Variants in CSMD2 observed in about 807,000 individuals in gnomAD.
The protein encoded by CSMD2 is CUB and sushi domain-containing protein 2.
Under a neutral mutation model 398.5 loss-of-function variants are expected in CSMD2, and 130 were observed. That is an observed-to-expected ratio of 0.33 (90% confidence interval 0.28 to 0.38). The LOEUF (loss-of-function observed/expected upper bound fraction) is 0.38, where lower values mean the gene tolerates loss of function less well. Ranked by LOEUF, CSMD2 falls within the 10% of genes least tolerant of loss-of-function variation. The pLI, the probability that CSMD2 is intolerant of heterozygous loss-of-function variation, is 1.00. For synonymous variants in CSMD2, 1,828 were observed against 1,908.5 expected (o/e 0.96, Z 1.10); for missense variants, 3,829 against 4,764.9 (o/e 0.80, Z 5.78).
intron 29 of CSMD2, among the ~76,000 whole-genome samples, chr1:33,644,365 C>T (rs1643295677): frequency 6.6e-6 from 1 of 152,064 alleles, no homozygotes; most frequent in South Asian, 2.1e-4. Flanking sequence ...CTTACTGTAT[C>T]CAGGGAAGCT....
intron 3 of CSMD2, among the ~76,000 whole-genome samples, chr1:34,019,695 G>T (rs4653374): frequency 0.22 from 34,130 of 151,846 alleles, 4,510 homozygotes; most frequent in East Asian, 0.57. Flanking sequence ...TAAATCTCAC[G>T]GAGCCACTTC....
rs528936780 is a variant in CSMD2 at position 33,655,590 on chromosome 1, T to C, written c.4447+2356A>G. ...GAGCTCTAACCTCACCACAGAGTGA[T>C]TTCAGCTGCAATAATGTAGCTAAAA... On this transcript the variant is annotated intron_variant, in intron 27 of 70. Coordinates refer to ENST00000373381, the MANE Select transcript of CSMD2 (RefSeq NM_001281956.2). Among the ~76,000 whole-genome samples, 63 of 152,258 alleles carry C rather than the reference T, an allele frequency of 4.1e-4. 1 individual carries two copies. Among genetic ancestry groups the C allele is most frequent in the Admixed American group, 1.1e-3 (17 of 15,300 alleles).
At chr1:34,065,018 C>G (rs1654954468) in intron 2 of CSMD2, among the ~76,000 whole-genome samples, 1 of 152,192 alleles carries the variant, frequency 6.6e-6, no homozygotes, top group Non-Finnish European at 1.5e-5. Context: ...TTACCTCCCA[C>G]CAGGTTTCTC....
chr1:33,981,019 G>C (rs952472791), intron 3 of CSMD2, among the ~76,000 whole-genome samples: 2 of 152,122 alleles, frequency 1.3e-5, no homozygotes, highest in African/African-American at 4.8e-5. Context: ...TAGACCAGGC[G>C]AACCAGTCTT....
At chr1:34,162,119 C>T in intron 1 of CSMD2, among the ~76,000 whole-genome samples, 1 of 148,806 alleles carries the variant, frequency 6.7e-6, no homozygotes, top group Non-Finnish European at 1.5e-5. Context: ...TTGCAGCAAG[C>T]CGAGATTGCG....
intron 1 of CSMD2, among the ~76,000 whole-genome samples, chr1:34,103,399 C>T (rs10799027): frequency 0.15 from 22,717 of 150,108 alleles, 2,089 homozygotes; most frequent in South Asian, 0.36. Flanking sequence ...CCCGGGTTCA[C>T]GCCATTCTCC....
chr1:33,971,690 T>C (rs6676308), intron 3 of CSMD2, among the ~76,000 whole-genome samples: 7,195 of 152,180 alleles, frequency 0.047, 266 homozygotes, highest in East Asian at 0.18. Flanking sequence ...TCATGTGGGA[T>C]TGGTTCAAGT....
At chr1:34,021,999 C>G (rs922355903) in intron 3 of CSMD2, among the ~76,000 whole-genome samples, 14 of 152,164 alleles carry the variant, frequency 9.2e-5, no homozygotes, top group Non-Finnish European at 2.1e-4. Context: ...GGTACATCAA[C>G]TAAAGCTGGA....
At position 33,783,470 on chromosome 1, in the gene CSMD2, TCTCTC is replaced by T. The variant is rs1475389282; in HGVS notation, c.1663+5125_1663+5129del. 5.7e-5 allele frequency among the ~76,000 whole-genome samples: 7 copies of T among 122,512 alleles called. No homozygotes were observed. In the East Asian group the frequency reaches 1.7e-3, roughly 29 times the overall value. 80.4% of individuals were successfully genotyped at this position (122,512 alleles called of 152,430 possible). ...CTCTCTCTCTCTCTCTCTCTCTCTC[TCTCTC>T]CTGTGTGTGCATGCACCCAGGAAAG... On this transcript the variant is annotated intron_variant, in intron 12 of 70. Coordinates refer to ENST00000373381, the MANE Select transcript of CSMD2 (RefSeq NM_001281956.2).
chr1:33,723,201 A>T (rs1301883055), intron 19 of CSMD2, among the ~76,000 whole-genome samples: 1 of 152,248 alleles, frequency 6.6e-6, no homozygotes, highest in Non-Finnish European at 1.5e-5. Flanking sequence ...CTTCCTTTAA[A>T]ATTAGTTTTT....
intron 6 of CSMD2, among the ~76,000 whole-genome samples, chr1:33,831,710 G>A (rs564187337): frequency 1.6e-4 from 24 of 152,224 alleles, no homozygotes; most frequent in South Asian, 4.1e-4. Context: ...AAAAGACATC[G>A]ACTGGTAAAT....
chr1:33,568,800 A>C (rs889909036), intron 52 of CSMD2, among the ~76,000 whole-genome samples: 1 of 152,012 alleles, frequency 6.6e-6, no homozygotes, highest in Non-Finnish European at 1.5e-5. Context: ...CATTCAATCT[A>C]TCCTATTAGG....
At chr1:33,726,795 T>A in intron 15 of CSMD2, 110 bp from the exon 16 acceptor site, 4 of 1,223,384 alleles carry the variant, frequency 3.3e-6, no homozygotes, top group Non-Finnish European at 3.3e-6. Flanking sequence ...TTTGTTTTTA[T>A]GGAAAATTAC....
intron 3 of CSMD2, among the ~76,000 whole-genome samples, chr1:33,959,736 C>A (rs907620340): frequency 6.6e-6 from 1 of 152,176 alleles, no homozygotes; most frequent in African/African-American, 2.4e-5. Flanking sequence ...GGTCTCTTTT[C>A]AAGGGTCAGC....
chr1:33,772,694 C>A lies in CSMD2; in HGVS notation c.1721G>T (p.Gly574Val). Residue 574 changes from glycine to valine, a missense_variant, in exon 13 of 71, where the codon GGC becomes GTC. Transcript: ENST00000373381. ...TGTGTCACCGTGGTGAAACCGGGAG[C>A]CTTCCCTCCGGCCATATGCAGGTAT... is the stretch of plus-strand genomic sequence containing the variant. ...PGIPAYGRRE[G>V]SRFHHGDTLK... The A allele has an allele frequency of 6.2e-7, 1 of 1,614,104 alleles. No individual in the cohort carries two copies. The highest frequency in any genetic ancestry group is 1.1e-5 in the South Asian group (1 of 91,066).
chr1:34,029,546 C>T (rs1384563366), intron 3 of CSMD2, among the ~76,000 whole-genome samples: 2 of 152,206 alleles, frequency 1.3e-5, no homozygotes, highest in Non-Finnish European at 2.9e-5. Context: ...GTAAGTGCAA[C>T]TCACATTTGT....
intron 2 of CSMD2, among the ~76,000 whole-genome samples, chr1:34,055,500 TC>T (rs1653727849): frequency 6.6e-6 from 1 of 152,166 alleles, no homozygotes; most frequent in Non-Finnish European, 1.5e-5. Context: ...AAAGCAAGAT[TC>T]CCAGGACCCC....
chr1:34,027,622 A>C (rs917900071), intron 3 of CSMD2, among the ~76,000 whole-genome samples: 2 of 152,276 alleles, frequency 1.3e-5, no homozygotes, highest in African/African-American at 4.8e-5. Context: ...ACTATGGTAT[A>C]TGCAAACCAC....
intron 4 of CSMD2, among the ~76,000 whole-genome samples, chr1:33,918,595 T>G (rs1182861637): frequency 1.3e-5 from 2 of 152,144 alleles, no homozygotes; most frequent in South Asian, 2.1e-4. Flanking sequence ...CAGAGACATA[T>G]GAACGTGCAA....
Sources: gnomAD v4.1 joint callset for allele counts (sites outside exome capture counted in the v4.1 genomes callset) on GRCh38, gnomAD v4.1.1 for gene constraint, MANE v1.5 for transcripts, NCBI Gene and HGNC (gene_info 2026-07-23, HGNC 2026-07-21) for gene names.